RPL18: variants seen among roughly 807,000 people sequenced by gnomAD.
RPL18 encodes the protein large ribosomal subunit protein eL18.
RPL18 carries 4 observed loss-of-function variants against 25.0 expected under a neutral mutation model. The observed-to-expected ratio is 0.16, with a 90% CI of 0.08 to 0.37. The LOEUF is 0.37. Ranked by LOEUF, RPL18 falls within the 10% of genes least tolerant of loss-of-function variation. The probability of loss-of-function intolerance (pLI) is 1.00; values close to 1 mark genes in which losing one functional copy is unlikely to be tolerated. For synonymous variants in RPL18, 129 were observed against 101.6 expected (o/e 1.27, Z -1.62); for missense variants, 179 against 267.9 (o/e 0.67, Z 2.32).
chr19:48,618,229 T>A (rs1397128048), intron 1 of RPL18: 1 of 215,926 alleles, frequency 4.6e-6, no homozygotes. Flanking sequence ...ATGGCAGTAA[T>A]GATGAAAACG....
chr19:48,616,323 C>T lies in RPL18; in HGVS notation c.298-121G>A, dbSNP rs971836365. On this transcript the variant is annotated intron_variant, in intron 4 of 6. Coordinates refer to ENST00000549920, the MANE Select transcript of RPL18 (RefSeq NM_000979.4). ...TGGTAACCAACACTATCGTTTACTA[C>T]CCGGAGCACCCTGGGCTGACAGCAG... 13 of 1,247,270 alleles carry T rather than the reference C, an allele frequency of 1.0e-5. No homozygotes were observed. In the East Asian group the frequency reaches 2.7e-4, roughly 26 times the overall value. 77.3% of individuals were successfully genotyped at this position (1,247,270 alleles called of 1,614,324 possible).
chr19:48,618,227 A>G lies in RPL18; in HGVS notation c.4-350T>C, dbSNP rs151086438. On this transcript the variant is annotated intron_variant, in intron 1 of 6. Transcript: ENST00000549920. ...CCAAAAATATCAAACCAATGGCAGT[A>G]ATGATGAAAACGAATCCTTATTCAG... The G allele has an allele frequency of 1.0e-3, 222 of 216,100 alleles. 2 individuals carry two copies. Among genetic ancestry groups the G allele is most frequent in the Non-Finnish European group, 1.2e-3 (122 of 105,034 alleles). 13.4% of individuals were successfully genotyped at this position (216,100 alleles called of 1,614,324 possible). A position where few individuals can be genotyped will look rare whatever the true frequency, so the allele number is the denominator to read the frequency against.
chr19:48,617,656 G>A, intron 2 of RPL18, 135 bp downstream of exon 2: 1 of 716,318 alleles, frequency 1.4e-6, no homozygotes, highest in Non-Finnish European at 2.4e-6. Context: ...AAATGCAGGA[G>A]ACCCTGGAAC....
Position 48,619,036 on chromosome 19 carries a change from C to A in RPL18, c.3+105G>T, listed in dbSNP as rs567113275. 14 of 1,258,914 alleles carry A rather than the reference C, an allele frequency of 1.1e-5. No individual in the cohort carries two copies. The South Asian group carries it at 1.3e-4, about 12-fold the overall frequency. The allele number at this position is 1,258,914 out of a possible 1,614,324, so 78.0% of individuals were successfully genotyped here. A position where few individuals can be genotyped will look rare whatever the true frequency, so the allele number is the denominator to read the frequency against. On this transcript the variant is annotated intron_variant, in intron 1 of 6. Coordinates refer to ENST00000549920, the MANE Select transcript of RPL18 (RefSeq NM_000979.4). ...TCCCCAGTATCGGGAATTGCTCCCT[C>A]CGGGCAGCCGCAGACCCCCTGCCGC...
chr19:48,616,928 C>A, intron 3 of RPL18, 104 bp from the exon 4 acceptor site: 1 of 810,182 alleles, frequency 1.2e-6, no homozygotes, highest in East Asian at 2.5e-5. Flanking sequence ...AACGGGACCC[C>A]CCACTCACAC....
intron 4 of RPL18, 83 bp downstream of exon 4, chr19:48,616,643 C>A (rs1309338148): frequency 1.1e-6 from 1 of 929,364 alleles, no homozygotes; most frequent in South Asian, 1.3e-5. Flanking sequence ...TGAGGATGGA[C>A]CAGCACAGCA....
intron 3 of RPL18, 81 bp from the exon 4 acceptor site, chr19:48,616,905 A>G (rs770933470): frequency 9.5e-7 from 1 of 1,057,014 alleles, no homozygotes; most frequent in Non-Finnish European, 1.5e-6. Context: ...AGGCCAGGGC[A>G]GCTGTGCCCT....
In RPL18 at chr19:48,619,159, T is replaced by C. The variant is rs889452021; in HGVS notation, c.-16A>G. 9.2e-7 allele frequency: 1 copy of C among 1,087,420 alleles called. No individual in the cohort carries two copies. The highest frequency in any genetic ancestry group is 4.9e-5 in the East Asian group (1 of 20,488). The allele number at this position is 1,087,420 out of a possible 1,614,324, so 67.4% of individuals were successfully genotyped here. On this transcript the variant is annotated 5_prime_UTR_variant, in exon 1 of 7. Coordinates refer to ENST00000549920, the MANE Select transcript of RPL18 (RefSeq NM_000979.4). ...AGCTCACCATGATGGCGCCTCCTGC[T>C]CGGCCAGGTCCGGAAAGAGAGAACG...
chr19:48,616,647 C>CACAGCACAGCACAGA (rs1974180996), intron 4 of RPL18, 79 bp downstream of exon 4: 1 of 917,800 alleles, frequency 1.1e-6, no homozygotes. Context: ...GATGGACCAG[C>CACAGCACAGCACAGA]ACAGCACAGC....
At chr19:48,617,214 G>T in intron 3 of RPL18, 102 bp downstream of exon 3, 1 of 918,260 alleles carries the variant, frequency 1.1e-6, no homozygotes, top group Non-Finnish European at 1.8e-6. Flanking sequence ...ACAAACCCTT[G>T]ATGCCCTGGT....
At chr19:48,616,595 G>C in intron 4 of RPL18, 131 bp downstream of exon 4, 1 of 783,802 alleles carries the variant, frequency 1.3e-6, no homozygotes. Context: ...AAGCCACTCA[G>C]ACAGGCAGGA....
intron 4 of RPL18, 155 bp from the exon 5 acceptor site, chr19:48,616,357 AACACTTCCGGAACTTTC>A: frequency 1.2e-6 from 1 of 869,268 alleles, no homozygotes; most frequent in Non-Finnish European, 1.7e-6. Flanking sequence ...AGCAGTTCTC[AACACTTCCGGAACTTTC>A]ACCACCACAT....
At chr19:48,615,577 T>C (rs1601137273) in intron 6 of RPL18, 130 bp from the exon 7 acceptor site, 2 of 804,778 alleles carry the variant, frequency 2.5e-6, no homozygotes, top group East Asian at 2.5e-5. Flanking sequence ...CTTGGCAGAG[T>C]GGGAAGCCAA....
intron 2 of RPL18, 30 bp from the exon 3 acceptor site, chr19:48,617,453 G>A: frequency 6.6e-7 from 1 of 1,520,442 alleles, no homozygotes; most frequent in Non-Finnish European, 9.1e-7. Context: ...GTGAGAAGCT[G>A]GGACAGCCTG....
At chr19:48,618,801 G>A (rs982527601) in intron 1 of RPL18, 4 of 351,064 alleles carry the variant, frequency 1.1e-5, no homozygotes, top group South Asian at 4.5e-5. Flanking sequence ...TTTCATACTA[G>A]AAAGTGACAG....
intron 4 of RPL18, 54 bp from the exon 5 acceptor site, chr19:48,616,256 C>A: frequency 6.2e-7 from 1 of 1,601,140 alleles, no homozygotes; most frequent in Non-Finnish European, 8.5e-7. Context: ...CACCCAGGGG[C>A]TGCCAGGACT....
At chr19:48,615,492 G>A (rs1295635280) in intron 6 of RPL18, 45 bp from the exon 7 acceptor site, 5 of 1,451,258 alleles carry the variant, frequency 3.4e-6, no homozygotes, top group East Asian at 2.3e-5. Flanking sequence ...CTTAAAGGAG[G>A]CCATTGTGGA....
intron 4 of RPL18, 44 bp downstream of exon 4, chr19:48,616,677 CACAGT>C (rs764430335): frequency 4.5e-5 from 56 of 1,232,548 alleles, no homozygotes; most frequent in Middle Eastern, 1.9e-4. Context: ...CACAGCACAG[CACAGT>C]ACAGCAAGGG....
chr19:48,616,153 G>A lies in RPL18; in HGVS notation c.347C>T (p.Ala116Val). The change falls in exon 5 of 7, where the codon GCA becomes GTA. Residue 116 changes from alanine to valine, a missense_variant. Transcript: ENST00000549920. Reference sequence around the variant, plus strand: ...GTCGAAAGTGAGGATCTTGCCCCCTGCCCTGAGGATGCGGCTGCGGGCCCG... The same window carrying A: ...GTCGAAAGTGAGGATCTTGCCCCCTACCCTGAGGATGCGGCTGCGGGCCCG... ...TSRARSRILR[A>V]GGKILTFDQL... 2 of 1,614,130 alleles carry A rather than the reference G, an allele frequency of 1.2e-6. No individual in the cohort carries two copies. The highest frequency in any genetic ancestry group is 8.5e-7 in the Non-Finnish European group (1 of 1,180,016).
Sources: gnomAD v4.1 joint callset for allele counts on GRCh38, gnomAD v4.1.1 for gene constraint, MANE v1.5 for transcripts, NCBI Gene and HGNC (gene_info 2026-07-23, HGNC 2026-07-21) for gene names.